The following ANO2 variants were observed in gnomAD, a reference collection of about 807,000 sequenced individuals.
The protein encoded by ANO2 is anoctamin-2.
A neutral mutation model predicts 124.2 loss-of-function variants in ANO2; 101 were observed. The ratio of observed to expected loss-of-function variants is 0.81; its 90% confidence interval spans 0.69 to 0.96. The LOEUF (loss-of-function observed/expected upper bound fraction) is 0.96, where lower values mean the gene tolerates loss of function less well. Ranked by LOEUF, ANO2 falls within the 40% of genes least tolerant of loss-of-function variation. The pLI, the probability that ANO2 is intolerant of heterozygous loss-of-function variation, is 0.00. For synonymous variants in ANO2, 486 were observed against 482.5 expected, an observed-to-expected ratio of 1.01 and a Z score of -0.09; for missense variants, 1,293 against 1,274.5, an observed-to-expected ratio of 1.01 and a Z score of -0.22.
At chr12:5,945,022 A>G (rs1183115101) in intron 1 of ANO2, among the ~76,000 whole-genome samples, 174 bp downstream of exon 1, 1 of 151,988 alleles carries the variant, frequency 6.6e-6, no homozygotes, top group Non-Finnish European at 1.5e-5. Context: ...AATTACATAG[A>G]CGTCCCTCAG....
intron 14 of ANO2, among the ~76,000 whole-genome samples, chr12:5,686,717 G>A (rs1330268957): frequency 1.3e-5 from 2 of 152,240 alleles, no homozygotes; most frequent in African/African-American, 4.8e-5. Flanking sequence ...CCCACCCAAG[G>A]ACACCAGCTG....
intron 14 of ANO2, among the ~76,000 whole-genome samples, chr12:5,705,611 G>A (rs780522858): frequency 2.6e-5 from 4 of 152,180 alleles, no homozygotes; most frequent in South Asian, 4.1e-4. Context: ...CTTAATCCAC[G>A]TCTAATACTA....
intron 4 of ANO2, among the ~76,000 whole-genome samples, chr12:5,834,336 A>C (rs1954249768): frequency 6.6e-6 from 1 of 152,216 alleles, no homozygotes. Flanking sequence ...ACGTTACTTC[A>C]ATGCAGAGGG....
chr12:5,892,652 A>G (rs547711158), intron 3 of ANO2, among the ~76,000 whole-genome samples: 1 of 152,346 alleles, frequency 6.6e-6, no homozygotes, highest in South Asian at 2.1e-4. Flanking sequence ...CTTAAAGAAA[A>G]GAATTGTCAA....
At chr12:5,624,254 G>A (rs927221486) in intron 16 of ANO2, among the ~76,000 whole-genome samples, 1 of 150,668 alleles carries the variant, frequency 6.6e-6, no homozygotes, top group South Asian at 2.1e-4. Context: ...GAGAGAGAGA[G>A]AGAGAGAAAC....
intron 19 of ANO2, among the ~76,000 whole-genome samples, chr12:5,602,570 A>C (rs1285808697): frequency 6.6e-6 from 1 of 152,080 alleles, no homozygotes; most frequent in African/African-American, 2.4e-5. Flanking sequence ...TCCAACACTT[A>C]ATCAGAAAGA....
chr12:5,896,908 T>TA (rs1298687655), intron 3 of ANO2, among the ~76,000 whole-genome samples: 21 of 152,218 alleles, frequency 1.4e-4, no homozygotes, highest in African/African-American at 5.1e-4. Flanking sequence ...ATCCATAGTT[T>TA]AAACTTTTGA....
intron 14 of ANO2, among the ~76,000 whole-genome samples, chr12:5,660,232 G>GAT (rs1247938795): frequency 1.3e-5 from 2 of 151,838 alleles, no homozygotes; most frequent in African/African-American, 4.8e-5. Context: ...ATGAATCCTT[G>GAT]ATATACAGCC....
chr12:5,661,492 C>T (rs146052544), intron 14 of ANO2, among the ~76,000 whole-genome samples: 98 of 152,212 alleles, frequency 6.4e-4, no homozygotes, highest in African/African-American at 2.3e-3. Context: ...TAAGGGGTGC[C>T]TATAGCTTAC....
chr12:5,873,196 GCTCTCT>G (rs57038931), intron 3 of ANO2, among the ~76,000 whole-genome samples: 2,631 of 118,984 alleles, frequency 0.022, 68 homozygotes, highest in African/African-American at 0.069. Flanking sequence ...GCCTAAAGCA[GCTCTCT>G]CTCTCTCTCT....
chr12:5,912,032 T>C (rs1341034779), intron 3 of ANO2, among the ~76,000 whole-genome samples: 3 of 152,228 alleles, frequency 2.0e-5, no homozygotes, highest in Non-Finnish European at 4.4e-5. Context: ...TACTGCAGTT[T>C]GGGATATGGC....
intron 14 of ANO2, among the ~76,000 whole-genome samples, chr12:5,710,642 T>C (rs748073130): frequency 5.9e-5 from 9 of 152,178 alleles, no homozygotes; most frequent in Non-Finnish European, 1.2e-4. Flanking sequence ...ACGGCTTTAT[T>C]TATCCAGGCC....
At chr12:5,941,955 A>G (rs1306762223) in intron 1 of ANO2, among the ~76,000 whole-genome samples, 1 of 152,228 alleles carries the variant, frequency 6.6e-6, no homozygotes, top group African/African-American at 2.4e-5. Context: ...GACATTTTTC[A>G]TAAAAACACA....
At chr12:5,795,123 G>A (rs1449461733) in intron 10 of ANO2, among the ~76,000 whole-genome samples, 1 of 152,234 alleles carries the variant, frequency 6.6e-6, no homozygotes, top group African/African-American at 2.4e-5. Flanking sequence ...ACCCTGGCAA[G>A]GACGGTGACC....
At chr12:5,823,167 C>T (rs1294574734) in intron 7 of ANO2, among the ~76,000 whole-genome samples, 1 of 152,124 alleles carries the variant, frequency 6.6e-6, no homozygotes, top group Non-Finnish European at 1.5e-5. Context: ...ATTTCAAAAC[C>T]AATCATGCCT....
chr12:5,778,920 G>A (rs1297046219), intron 10 of ANO2, among the ~76,000 whole-genome samples: 3 of 152,178 alleles, frequency 2.0e-5, no homozygotes, highest in Non-Finnish European at 1.5e-5. Context: ...TTAAAGGTAT[G>A]GATCTTGTCT....
At chr12:5,767,502 A>C (rs1200212111) in intron 10 of ANO2, among the ~76,000 whole-genome samples, 1 of 152,252 alleles carries the variant, frequency 6.6e-6, no homozygotes, top group Non-Finnish European at 1.5e-5. Context: ...AGAGAAAGAA[A>C]GGAAATGAAA....
At chr12:5,654,908 A>G (rs1947082134) in intron 14 of ANO2, among the ~76,000 whole-genome samples, 2 of 152,168 alleles carry the variant, frequency 1.3e-5, no homozygotes, top group African/African-American at 4.8e-5. Flanking sequence ...CCACTTCTCA[A>G]TAAGATAAGG....
At chr12:5,709,937 T>C (rs1949749497) in intron 14 of ANO2, among the ~76,000 whole-genome samples, 1 of 151,866 alleles carries the variant, frequency 6.6e-6, no homozygotes. Flanking sequence ...AAAATGAAAG[T>C]GAAAATGGAG....
Sources: gnomAD v4.1 joint callset for allele counts (sites outside exome capture counted in the v4.1 genomes callset) on GRCh38, gnomAD v4.1.1 for gene constraint, MANE v1.5 for transcripts, NCBI Gene and HGNC (gene_info 2026-07-23, HGNC 2026-07-21) for gene names.